The following DMD variants were observed in gnomAD, a reference collection of about 807,000 sequenced individuals.
DMD encodes dystrophin, also known as mutant dystrophin.
A neutral mutation model predicts 330.1 loss-of-function variants in DMD; 63 were observed. The ratio of observed to expected loss-of-function variants is 0.19; its 90% CI spans 0.16 to 0.24. The LOEUF (loss-of-function observed/expected upper bound fraction) is 0.24, where lower values mean the gene tolerates loss of function less well. Among genes scored for constraint, DMD ranks in the 10% least tolerant of loss-of-function variants. DMD has a pLI of 1.00. For synonymous variants in DMD, 1,223 were observed against 959.8 expected (o/e 1.27, Z -5.07); for missense variants, 3,344 against 2,684.1 (o/e 1.25, Z -5.43).
intron 55 of DMD, among the ~76,000 whole-genome samples, chrX:31,617,307 G>A (rs2078252572): frequency 9.0e-6 from 1 of 111,003 alleles, no homozygotes; most frequent in Admixed American, 9.5e-5. Flanking sequence ...GGCCGGGGCG[G>A]GCGCATCACC....
chrX:32,118,034 A>G (rs977266859), intron 44 of DMD, among the ~76,000 whole-genome samples: 1 of 111,264 alleles, frequency 9.0e-6, no homozygotes, highest in African/African-American at 3.3e-5. Flanking sequence ...TGGATTATCC[A>G]TGAAATTCTC....
chrX:31,458,942 G>A (rs1306228620), intron 59 of DMD, among the ~76,000 whole-genome samples: 1 of 111,419 alleles, frequency 9.0e-6, no homozygotes, highest in Non-Finnish European at 1.9e-5. Flanking sequence ...ATAAGCCAAC[G>A]GAGTAATTTA....
In DMD at chrX:32,207,637, G is replaced by A. The variant is rs547985336; in HGVS notation, c.6438+9279C>T. ...AATTATCTTGCGTGGTCATGTACTC[G>A]TTAAATTGCCCTGACCATTCTTTGA... is the stretch of plus-strand genomic sequence containing the variant. On this transcript the variant is annotated intron_variant, in intron 44 of 78. Transcript: ENST00000357033. 4.5e-5 allele frequency among the ~76,000 whole-genome samples: 5 copies of A among 111,934 alleles called. No homozygotes were observed. In the South Asian group the frequency reaches 1.5e-3, roughly 33 times the overall value.
At chrX:32,468,361 T>G (rs943952047) in intron 23 of DMD, 137 bp downstream of exon 23, 6 of 527,231 alleles carry the variant, frequency 1.1e-5, no homozygotes, top group Non-Finnish European at 1.9e-5. Flanking sequence ...TGTAAAAGAC[T>G]CATGTCTTTT....
At chrX:32,335,298 T>C (rs1311977083) in intron 41 of DMD, among the ~76,000 whole-genome samples, 1 of 108,223 alleles carries the variant, frequency 9.2e-6, no homozygotes, top group Non-Finnish European at 1.9e-5. Context: ...GTCTCCCAGT[T>C]TCAAGCAATT....
intron 60 of DMD, among the ~76,000 whole-genome samples, chrX:31,350,644 A>T (rs923702872): frequency 1.6e-4 from 17 of 103,221 alleles, no homozygotes; most frequent in African/African-American, 4.2e-4. Flanking sequence ...AGAGAGAGAG[A>T]GAGAGAGAGA....
In DMD at chrX:31,445,455, A is replaced by G. The variant is rs1469011221; in HGVS notation, c.8938-828T>C. ...CCCCTAAGAAATTCTGGATTGGCAA[A>G]GTAACAAGAAAAATATATTGCTGCT... On this transcript the variant is annotated intron_variant, in intron 59 of 78. Transcript: ENST00000357033. 1.3e-4 allele frequency among the ~76,000 whole-genome samples: 15 copies of G among 112,195 alleles called. No homozygotes were observed. In the Admixed American group the frequency reaches 1.4e-3, roughly 11 times the overall value.
At chrX:32,191,340 G>T (rs753954910) in intron 44 of DMD, among the ~76,000 whole-genome samples, 1 of 111,987 alleles carries the variant, frequency 8.9e-6, no homozygotes. Context: ...TCATTACCTA[G>T]ATGACACAGC....
chrX:32,503,407 G>C (rs2044260849), intron 18 of DMD, among the ~76,000 whole-genome samples: 1 of 111,891 alleles, frequency 8.9e-6, no homozygotes, highest in Admixed American at 9.5e-5. Context: ...GGCAATATCA[G>C]AAATAGTTGC....
intron 17 of DMD, among the ~76,000 whole-genome samples, chrX:32,532,599 A>C (rs747988107): frequency 3.5e-4 from 39 of 112,657 alleles, no homozygotes; most frequent in Non-Finnish European, 6.6e-4. Context: ...TGCTATTTTA[A>C]GTGTGAAATA....
chrX:32,852,789 G>T (rs2081242908), intron 2 of DMD, among the ~76,000 whole-genome samples: 1 of 111,196 alleles, frequency 9.0e-6, no homozygotes, highest in Non-Finnish European at 1.9e-5. Flanking sequence ...TGGTAGCCAT[G>T]GGGAAAAATT....
At chrX:33,039,700 C>G (rs2094266128) in intron 1 of DMD, among the ~76,000 whole-genome samples, 1 of 110,783 alleles carries the variant, frequency 9.0e-6, no homozygotes, top group Admixed American at 9.7e-5. Flanking sequence ...TTCATTGTTT[C>G]CATCTAAAGT....
At chrX:31,435,801 G>A (rs1378055207) in intron 60 of DMD, 2 of 111,650 alleles carry the variant, frequency 1.8e-5, no homozygotes, top group Non-Finnish European at 3.8e-5. Flanking sequence ...GCAGCGCAGC[G>A]GGGCAGTGGG....
At chrX:31,609,074 T>G (rs772683674) in intron 55 of DMD, among the ~76,000 whole-genome samples, 69 of 112,449 alleles carry the variant, frequency 6.1e-4, no homozygotes, top group South Asian at 3.3e-3. Context: ...ATGATTGTTA[T>G]GTATTTTTAT....
At chrX:32,493,828 C>A (rs2043231208) in intron 19 of DMD, among the ~76,000 whole-genome samples, 1 of 111,492 alleles carries the variant, frequency 9.0e-6, no homozygotes, top group Admixed American at 9.6e-5. Flanking sequence ...ATATTTTCAG[C>A]ATATGTTGAA....
chrX:32,794,511 C>A (rs1425841220), intron 7 of DMD, among the ~76,000 whole-genome samples: 3 of 111,582 alleles, frequency 2.7e-5, no homozygotes, highest in East Asian at 2.8e-4. Flanking sequence ...ACGGCATGAA[C>A]CCTGGAGGCT....
intron 55 of DMD, among the ~76,000 whole-genome samples, chrX:31,616,762 A>C (rs759419288): frequency 5.7e-4 from 64 of 111,904 alleles, no homozygotes; most frequent in Non-Finnish European, 1.1e-3. Flanking sequence ...GGCAGGAATG[A>C]GTGGAGGAGG....
chrX:31,164,371 C>T (rs2039191191), intron 74 of DMD, among the ~76,000 whole-genome samples: 1 of 111,535 alleles, frequency 9.0e-6, no homozygotes, highest in Admixed American at 9.5e-5. Context: ...CATTTATCAC[C>T]TTCCAGCTAC....
chrX:32,794,355 A>T (rs1346180991), intron 7 of DMD, among the ~76,000 whole-genome samples: 6 of 111,888 alleles, frequency 5.4e-5, no homozygotes, highest in African/African-American at 2.0e-4. Context: ...TTTGGGAGGC[A>T]GAGGTGGGTG....
Sources: allele counts gnomAD v4.1 joint callset (sites outside exome capture counted in the v4.1 genomes callset), GRCh38; gene constraint gnomAD v4.1.1; transcripts MANE v1.5; gene names NCBI Gene and HGNC (gene_info 2026-07-23, HGNC 2026-07-21).